STAG1: variants seen among roughly 807,000 people sequenced by gnomAD.
The protein encoded by STAG1 is STAG1 cohesin complex component.
Under a neutral mutation model 170.9 loss-of-function variants are expected in STAG1, and 26 were observed. The observed-to-expected ratio is 0.15, with a 90% confidence interval of 0.11 to 0.21. STAG1 has a LOEUF of 0.21. Ranked by LOEUF, STAG1 falls within the 10% of genes least tolerant of loss-of-function variation. The pLI, the probability that STAG1 is intolerant of heterozygous loss-of-function variation, is 1.00. For synonymous variants in STAG1, 514 were observed against 497.7 expected, an observed-to-expected ratio of 1.03 and a Z score of -0.44; for missense variants, 964 against 1,509.5, an observed-to-expected ratio of 0.64 and a Z score of 5.99.
chr3:136,371,835 A>G (rs905788767), intron 23 of STAG1, among the ~76,000 whole-genome samples: 5 of 152,106 alleles, frequency 3.3e-5, no homozygotes, highest in African/African-American at 7.2e-5. Context: ...ACTTGGCAAT[A>G]CAGGCTCTTT....
intron 14 of STAG1, among the ~76,000 whole-genome samples, chr3:136,448,914 G>A (rs1381691656): frequency 6.6e-6 from 1 of 151,560 alleles, no homozygotes; most frequent in East Asian, 1.9e-4. Flanking sequence ...ACTCCAGCAA[G>A]ACTCCATCCC....
intron 4 of STAG1, among the ~76,000 whole-genome samples, chr3:136,595,973 C>T (rs1188773906): frequency 6.6e-6 from 1 of 152,112 alleles, no homozygotes; most frequent in African/African-American, 2.4e-5. Flanking sequence ...CCTCTATGGT[C>T]GGATAACAGA....
Position 136,697,948 on chromosome 3 carries a change from A to G in STAG1, c.-84+54247T>C, listed in dbSNP as rs200827381. On this transcript the variant is annotated intron_variant, in intron 1 of 33. Transcript: ENST00000383202. The stretch of plus-strand genomic sequence containing the variant: ...TGCATTTAGCAGAAGTCAGATGTCC[A>G]CAGCCATATTTTACTGTTTTCTTAT... Among the ~76,000 whole-genome samples, 8 of 152,302 alleles carry G rather than the reference A, an allele frequency of 5.3e-5. 1 individual carries two copies. Among genetic ancestry groups the G allele is most frequent in the Admixed American group, 4.6e-4 (7 of 15,290 alleles).
chr3:136,624,954 T>C (rs998974458), intron 2 of STAG1, among the ~76,000 whole-genome samples: 1 of 152,260 alleles, frequency 6.6e-6, no homozygotes, highest in Non-Finnish European at 1.5e-5. Flanking sequence ...TTACTATTTT[T>C]ATTTTTCATA....
chr3:136,653,469 A>G (rs1373689087), intron 1 of STAG1, among the ~76,000 whole-genome samples: 2 of 152,228 alleles, frequency 1.3e-5, no homozygotes, highest in African/African-American at 4.8e-5. Flanking sequence ...ATTCAGATGA[A>G]AATTCCATTT....
At chr3:136,736,257 A>C (rs955392866) in intron 1 of STAG1, among the ~76,000 whole-genome samples, 6 of 152,232 alleles carry the variant, frequency 3.9e-5, no homozygotes, top group South Asian at 2.1e-4. Context: ...CAATGGCGGC[A>C]CCTTCTAATC....
intron 1 of STAG1, among the ~76,000 whole-genome samples, chr3:136,713,654 G>C (rs928437773): frequency 1.5e-4 from 23 of 151,996 alleles, no homozygotes; most frequent in African/African-American, 5.5e-4. Context: ...TTAGGAGACT[G>C]AGGCAGGAGA....
intron 10 of STAG1, among the ~76,000 whole-genome samples, chr3:136,476,288 T>C (rs34498968): frequency 0.096 from 14,650 of 152,088 alleles, 922 homozygotes; most frequent in Middle Eastern, 0.16. Flanking sequence ...ACAGACCAAA[T>C]GGAAAATTTG....
chr3:136,723,573 C>G (rs933843800), intron 1 of STAG1, among the ~76,000 whole-genome samples: 31 of 151,800 alleles, frequency 2.0e-4, no homozygotes, highest in African/African-American at 6.8e-4. Context: ...GGGTCAGCCC[C>G]CGCCAGGCCA....
rs563654012 is a variant in STAG1, at chr3:136,597,681, T to C, written c.297+6628A>G. Among the ~76,000 whole-genome samples the C allele has an allele frequency of 3.3e-5, 5 of 152,326 alleles. No individual in the cohort carries two copies. The East Asian group carries it at 9.6e-4, about 29-fold the overall frequency. On this transcript the variant is annotated intron_variant, in intron 4 of 33. Transcript: ENST00000383202. ...CTTTCTATCCAGGAACGTTGCTGAA[T>C]GCTCTCATTAGTTCTAACAGTCTAC...
chr3:136,729,395 C>T (rs1309821080), intron 1 of STAG1, among the ~76,000 whole-genome samples: 1 of 151,874 alleles, frequency 6.6e-6, no homozygotes, highest in Non-Finnish European at 1.5e-5. Flanking sequence ...TGGTACCATG[C>T]TTATAAGAGA....
At position 136,650,921 on chromosome 3, in the gene STAG1, TAA is replaced by T. The variant is rs11353921; in HGVS notation, c.-83-19942_-83-19941del. The stretch of plus-strand genomic sequence containing the variant: ...ACACACAAGAGAATGGTGGTAGAAT[TAA>T]AAAAAAAAAAACAAGGAAGATGCAG... On this transcript the variant is annotated intron_variant, in intron 1 of 33. Coordinates refer to ENST00000383202, the MANE Select transcript of STAG1 (RefSeq NM_005862.3). 3.4e-3 allele frequency among the ~76,000 whole-genome samples: 486 copies of T among 143,822 alleles called. 4 individuals are homozygous for T. Among genetic ancestry groups the T allele is most frequent in the African/African-American group, 9.5e-3 (373 of 39,322 alleles). 94.4% of individuals were successfully genotyped at this position (143,822 alleles called of 152,430 possible). A position where few individuals can be genotyped will look rare whatever the true frequency, so the allele number is the denominator to read the frequency against.
chr3:136,423,188 A>C (rs913713198), intron 16 of STAG1, 144 bp from the exon 17 acceptor site: 9 of 547,338 alleles, frequency 1.6e-5, no homozygotes, highest in Admixed American at 7.3e-5. Flanking sequence ...AAGAAAGTTT[A>C]TGCAAATTTT....
intron 13 of STAG1, among the ~76,000 whole-genome samples, chr3:136,456,734 CAAA>C (rs564922457): frequency 5.3e-5 from 8 of 151,996 alleles, no homozygotes; most frequent in South Asian, 2.1e-4. Context: ...AAATCAAGGA[CAAA>C]GAAGAAATAT....
intron 31 of STAG1, among the ~76,000 whole-genome samples, chr3:136,340,940 GCT>G (rs1254820861): frequency 3.9e-5 from 6 of 152,158 alleles, no homozygotes; most frequent in Non-Finnish European, 8.8e-5. Flanking sequence ...ACGGCGTCTT[GCT>G]CTGTCGCTCA....
intron 6 of STAG1, among the ~76,000 whole-genome samples, chr3:136,528,100 TCTC>T (rs1935157054): frequency 1.3e-5 from 2 of 152,262 alleles, no homozygotes; most frequent in East Asian, 1.9e-4. Context: ...GAACCACTAA[TCTC>T]CTCAAAGCTG....
intron 21 of STAG1, among the ~76,000 whole-genome samples, chr3:136,414,213 T>G (rs1576442245): frequency 2.8e-5 from 2 of 70,406 alleles, no homozygotes; most frequent in South Asian, 1.6e-3. Flanking sequence ...TCATAAAAGA[T>G]TTCTCTGTAG....
intron 20 of STAG1, among the ~76,000 whole-genome samples, chr3:136,418,375 AAAAAAAAAAAAAAAAAAAAAAAAAAG>A (rs2087840148): frequency 2.4e-5 from 2 of 84,304 alleles, no homozygotes; most frequent in Non-Finnish European, 5.8e-5. Flanking sequence ...AAAAAAAAAA[AAAAAAAAAAAAAAAAAAAAAAAAAAG>A]GTTTTTTTCA....
chr3:136,649,327 A>G (rs1341693247), intron 1 of STAG1, among the ~76,000 whole-genome samples: 1 of 151,920 alleles, frequency 6.6e-6, no homozygotes, highest in East Asian at 1.9e-4. Flanking sequence ...AAAAACATAA[A>G]AACTAGTAGG....
Sources: gnomAD v4.1 joint callset for allele counts (sites outside exome capture counted in the v4.1 genomes callset) on GRCh38, gnomAD v4.1.1 for gene constraint, MANE v1.5 for transcripts, NCBI Gene and HGNC (gene_info 2026-07-23, HGNC 2026-07-21) for gene names.